DPP6: variants seen among roughly 807,000 people sequenced by gnomAD.
DPP6 encodes the protein A-type potassium channel modulatory protein DPP6.
Under a neutral mutation model 122.6 loss-of-function variants are expected in DPP6, and 69 were observed. The observed-to-expected ratio is 0.56, with a 90% CI of 0.46 to 0.69. DPP6 has a LOEUF of 0.69. DPP6 is among the 30% of genes least tolerant of loss of function. The pLI, the probability that DPP6 is intolerant of heterozygous loss-of-function variation, is 0.00. For synonymous variants in DPP6, 418 were observed against 433.1 expected (o/e 0.97, Z 0.43); for missense variants, 928 against 1,116.9 (o/e 0.83, Z 2.41).
At chr7:153,788,332 C>A in the DPP6 span, among the ~76,000 whole-genome samples, 1 of 152,142 alleles carries the variant, frequency 6.6e-6, no homozygotes, top group Non-Finnish European at 1.5e-5. Flanking sequence ...AACTGAATGA[C>A]CTGTTCAAAA....
intron 1 of DPP6, among the ~76,000 whole-genome samples, chr7:154,220,368 T>A (rs954300523): frequency 2.0e-5 from 3 of 152,098 alleles, no homozygotes; most frequent in Non-Finnish European, 4.4e-5. Flanking sequence ...AGATAAGTGA[T>A]GTGAACTCAG....
chr7:154,747,998 C>T (rs919019230), intron 8 of DPP6, among the ~76,000 whole-genome samples: 1 of 152,214 alleles, frequency 6.6e-6, no homozygotes, highest in Non-Finnish European at 1.5e-5. Context: ...GGGGTACAAG[C>T]TGTCAGCTGA....
In DPP6 at chr7:154,833,596, G is replaced by A. The variant is rs773794416; in HGVS notation, c.1667-20184G>A. Among the ~76,000 whole-genome samples, 8 of 152,146 alleles carry A rather than the reference G, an allele frequency of 5.3e-5. No homozygotes were observed. The highest frequency in any genetic ancestry group is 1.4e-4 in the African/African-American group (6 of 41,408). ...GCTGACATTGATGCTGATGTCATCC[G>A]TCATTGTAGCTCCGACTCTGACTCC... On this transcript the variant is annotated intron_variant, in intron 16 of 25. Coordinates refer to ENST00000377770, the MANE Select transcript of DPP6 (RefSeq NM_130797.4). This position sits in a 1 kb window ranked among gnomAD's most constrained non-coding sequence, Gnocchi z 4.3.
At chr7:154,443,356 GAA>G (rs11304026) in intron 1 of DPP6, among the ~76,000 whole-genome samples, 2 of 148,884 alleles carry the variant, frequency 1.3e-5, no homozygotes, top group African/African-American at 4.9e-5. Context: ...GAAAAAAAAT[GAA>G]AAAAAAAATG....
chr7:154,815,529 C>T (rs1235541535), intron 16 of DPP6, among the ~76,000 whole-genome samples: 1 of 152,184 alleles, frequency 6.6e-6, no homozygotes, highest in Non-Finnish European at 1.5e-5. Context: ...TATTTTCCTT[C>T]AAGTTTTTGA....
chr7:154,622,283 C>T (rs181446477), intron 5 of DPP6, among the ~76,000 whole-genome samples: 1 of 152,150 alleles, frequency 6.6e-6, no homozygotes, highest in Non-Finnish European at 1.5e-5. Flanking sequence ...GAAGATGTTA[C>T]AGAGGCTGGT....
intron 2 of DPP6, among the ~76,000 whole-genome samples, chr7:154,462,660 A>T (rs941856935): frequency 3.3e-5 from 5 of 151,752 alleles, no homozygotes; most frequent in African/African-American, 1.2e-4. Flanking sequence ...AAATTTTATT[A>T]TTATTATACT....
chr7:154,518,965 C>T (rs779432626), intron 3 of DPP6, among the ~76,000 whole-genome samples: 10 of 152,074 alleles, frequency 6.6e-5, no homozygotes, highest in African/African-American at 9.7e-5. Flanking sequence ...ACATCAGACA[C>T]GGGTTCTCAT....
intron 1 of DPP6, among the ~76,000 whole-genome samples, chr7:154,445,463 C>G (rs551041623): frequency 6.6e-6 from 1 of 152,138 alleles, no homozygotes; most frequent in African/African-American, 2.4e-5. Context: ...GCAGCCAGTA[C>G]GCGTGATGAA....
intron 3 of DPP6, among the ~76,000 whole-genome samples, chr7:154,512,990 A>G (rs1826206118): frequency 6.6e-6 from 1 of 152,208 alleles, no homozygotes; most frequent in Admixed American, 6.5e-5. Context: ...ACTGTGCCTA[A>G]GCAATGAGAA....
At chr7:154,720,251 G>T (rs1021366966) in intron 7 of DPP6, among the ~76,000 whole-genome samples, 2 of 152,218 alleles carry the variant, frequency 1.3e-5, no homozygotes, top group Non-Finnish European at 2.9e-5. Context: ...GGAGGCACCA[G>T]CAGGCAGAGC....
At chr7:154,391,091 C>T (rs1054314830) in intron 1 of DPP6, among the ~76,000 whole-genome samples, 1 of 152,210 alleles carries the variant, frequency 6.6e-6, no homozygotes, top group African/African-American at 2.4e-5. Flanking sequence ...CCCTGGGCTG[C>T]AGCGGGCGTT....
chr7:154,018,380 G>A (rs530421358), intron 1 of DPP6, among the ~76,000 whole-genome samples: 1 of 152,204 alleles, frequency 6.6e-6, no homozygotes, highest in South Asian at 2.1e-4. Flanking sequence ...GATGAGAGTG[G>A]ACACCGGAGA....
intron 1 of DPP6, among the ~76,000 whole-genome samples, chr7:154,104,582 CAT>C (rs1351047493): frequency 6.6e-6 from 1 of 152,272 alleles, no homozygotes; most frequent in Non-Finnish European, 1.5e-5. Context: ...GGACATGGGA[CAT>C]GTGGTATTTT....
chr7:154,464,998 A>T (rs766682501), intron 2 of DPP6, among the ~76,000 whole-genome samples: 1 of 152,240 alleles, frequency 6.6e-6, no homozygotes. Flanking sequence ...ATTAATAATG[A>T]TAACTAGAAA....
chr7:153,967,487 C>T (rs1422753020), intron 1 of DPP6, among the ~76,000 whole-genome samples: 2 of 152,160 alleles, frequency 1.3e-5, no homozygotes, highest in Non-Finnish European at 2.9e-5. Context: ...AATTACCAAG[C>T]CTGCCTTGTA....
Position 154,837,278 on chromosome 7 carries a change from T to C in DPP6, c.1667-16502T>C, listed in dbSNP as rs561844342. The stretch of plus-strand genomic sequence containing the variant: ...ACACATGCACACACATGCACACGCA[T>C]GCAGGCACATTCACATGCATGCACA... On this transcript the variant is annotated intron_variant, in intron 16 of 25. Coordinates refer to ENST00000377770, the MANE Select transcript of DPP6 (RefSeq NM_130797.4). Among the ~76,000 whole-genome samples, 15 of 150,694 alleles carry C rather than the reference T, an allele frequency of 1.0e-4. No individual in the cohort carries two copies. The South Asian group carries it at 2.5e-3, about 25-fold the overall frequency.
At chr7:154,751,340 C>T (rs1843370729) in intron 8 of DPP6, among the ~76,000 whole-genome samples, 1 of 151,972 alleles carries the variant, frequency 6.6e-6, no homozygotes, top group Non-Finnish European at 1.5e-5. Flanking sequence ...TGGCTCATGC[C>T]TGTAATCCCA....
chr7:153,922,148 C>G (rs1249809272), intron 1 of DPP6, among the ~76,000 whole-genome samples: 2 of 152,214 alleles, frequency 1.3e-5, no homozygotes, highest in African/African-American at 2.4e-5. Flanking sequence ...GGTAGAAACA[C>G]TTCCCACGCT....
Sources: allele counts gnomAD v4.1 joint callset (sites outside exome capture counted in the v4.1 genomes callset), GRCh38; gene constraint gnomAD v4.1.1; non-coding constraint Gnocchi (gnomAD v3.1); transcripts MANE v1.5; gene names NCBI Gene and HGNC (gene_info 2026-07-23, HGNC 2026-07-21).